Variants in HERC2 observed in about 807,000 individuals in gnomAD.
HERC2 encodes the protein HECT and RLD domain containing E3 ubiquitin protein ligase 2.
Under a neutral mutation model 537.7 loss-of-function variants are expected in HERC2, and 102 were observed. That is an observed-to-expected ratio of 0.19 (90% confidence interval 0.16 to 0.22). The LOEUF (loss-of-function observed/expected upper bound fraction) is 0.22. HERC2 is among the 10% of genes least tolerant of loss of function. HERC2 has a pLI of 1.00. For synonymous variants in HERC2, 2,224 were observed against 2,466.2 expected (o/e 0.90, Z 2.91); for missense variants, 4,236 against 6,198.2 (o/e 0.68, Z 10.63).
chr15:28,317,213 C>A (rs2077111704), intron 2 of HERC2, among the ~76,000 whole-genome samples: 1 of 152,252 alleles, frequency 6.6e-6, no homozygotes, highest in Non-Finnish European at 1.5e-5. Context: ...GCCTCAACCT[C>A]CCAAGTAGCT....
At chr15:28,241,102 G>A (rs1457250090) in intron 23 of HERC2, among the ~76,000 whole-genome samples, 1 of 152,110 alleles carries the variant, frequency 6.6e-6, no homozygotes, top group Non-Finnish European at 1.5e-5. Flanking sequence ...TATCAAGAGT[G>A]AAACAGCAAC....
At chr15:28,142,606 C>A (rs1410330348) in intron 75 of HERC2, among the ~76,000 whole-genome samples, 1 of 152,162 alleles carries the variant, frequency 6.6e-6, no homozygotes, top group Non-Finnish European at 1.5e-5. Context: ...CATCAAGTGA[C>A]AAGAACACCT....
chr15:28,201,604 C>G, intron 47 of HERC2, 50 bp from the exon 48 acceptor site: 2 of 1,137,576 alleles, frequency 1.8e-6, no homozygotes, highest in Non-Finnish European at 2.7e-6. Context: ...ACATGATAAA[C>G]CTACTCAAAA....
At chr15:28,179,942 A>G (rs911217201) in intron 57 of HERC2, among the ~76,000 whole-genome samples, 1 of 152,260 alleles carries the variant, frequency 6.6e-6, no homozygotes, top group Non-Finnish European at 1.5e-5. Context: ...AAAAGTTCAT[A>G]AAGTTACAAA....
intron 14 of HERC2, 126 bp from the exon 15 acceptor site, chr15:28,263,295 A>G: frequency 3.9e-6 from 4 of 1,024,070 alleles, no homozygotes; most frequent in Middle Eastern, 4.3e-4. Flanking sequence ...AGTTAACACT[A>G]CAAGGGTGGC....
rs1267606984 is a variant in HERC2 at position 28,218,672 on chromosome 15, C to T, written c.5846-1G>A. The stretch of plus-strand genomic sequence containing the variant: ...ATGTTCCTTTCAGTTTGTTCGGCTT[C>T]TAAAAAAAATAATCAAAATTACAAA... On this transcript the variant is annotated splice_acceptor_variant, in intron 37 of 92. Coordinates refer to ENST00000261609, the MANE Select transcript of HERC2 (RefSeq NM_004667.6). LOFTEE classifies it high-confidence loss of function. The T allele has an allele frequency of 2.5e-6, 4 of 1,578,878 alleles. No homozygotes were observed. The Admixed American group carries it at 6.7e-5, about 26-fold the overall frequency.
chr15:28,177,644 G>T lies in HERC2; in HGVS notation c.9164-135C>A. On this transcript the variant is annotated intron_variant, in intron 59 of 92. Transcript: ENST00000261609. This position sits in a 1 kb window ranked among gnomAD's most constrained non-coding sequence, Gnocchi z 5.0. ...GCTGAATAAATGAGTAACTCAACAG[G>T]ATCAACAGCGGAGTTAGCAGGAAAG... The T allele has an allele frequency of 1.4e-6, 1 of 709,942 alleles. No individual in the cohort carries two copies. Among genetic ancestry groups the T allele is most frequent in the Non-Finnish European group, 2.4e-6 (1 of 410,286 alleles). The allele number at this position is 709,942 out of a possible 1,614,324, so 44.0% of individuals were successfully genotyped here.
At chr15:28,234,922 C>T (rs1170162669) in intron 26 of HERC2, among the ~76,000 whole-genome samples, 4 of 151,404 alleles carry the variant, frequency 2.6e-5, no homozygotes, top group Non-Finnish European at 5.9e-5. Context: ...ATTTAAGAAA[C>T]ACACAATCTG....
At chr15:28,282,919 A>G (rs1200783150) in intron 4 of HERC2, among the ~76,000 whole-genome samples, 1 of 150,040 alleles carries the variant, frequency 6.7e-6, no homozygotes, top group Non-Finnish European at 1.5e-5. Context: ...AAACAGGGAG[A>G]GACTCCGAAG....
intron 2 of HERC2, among the ~76,000 whole-genome samples, chr15:28,301,731 A>ATG (rs1202140643): frequency 0.13 from 2,705 of 21,204 alleles, 560 homozygotes; most frequent in Non-Finnish European, 0.15. Context: ...AGTTGTATGT[A>ATG]TGTGTATATA....
chr15:28,154,763 A>G (rs1892809022), intron 69 of HERC2, among the ~76,000 whole-genome samples: 1 of 152,072 alleles, frequency 6.6e-6, no homozygotes, highest in Admixed American at 6.5e-5. Flanking sequence ...GCATTATTTT[A>G]TATATATATT....
chr15:28,217,921 G>A (rs1364939083), intron 38 of HERC2, among the ~76,000 whole-genome samples: 13 of 152,020 alleles, frequency 8.6e-5, no homozygotes, highest in East Asian at 5.8e-4. Flanking sequence ...GGCCCTGCCC[G>A]CACCTGGATT....
Position 28,260,774 on chromosome 15 carries a change from T to C in HERC2, c.2316+3A>G. 1 of 1,613,428 alleles carries C rather than the reference T, an allele frequency of 6.2e-7. No homozygotes were observed. Among genetic ancestry groups the C allele is most frequent in the Non-Finnish European group, 8.5e-7 (1 of 1,179,458 alleles). On this transcript the variant is annotated splice_donor_region_variant and intron_variant, in intron 16 of 92. Transcript: ENST00000261609. ...ATACCAAATCAAGCTCTATATTCAG[T>C]ACCTGGGCAGGCCCACAGGCAATTC... is the stretch of plus-strand genomic sequence containing the variant.
At position 28,146,246 on chromosome 15, in the gene HERC2, C is replaced by A. The variant is rs748768501; in HGVS notation, c.10999G>T (p.Val3667Leu). The change falls in exon 71 of 93, where the codon GTG (valine) becomes TTG (leucine). Residue 3667 changes from valine to leucine, a missense_variant. Physicochemically the swap from Val to Leu is conservative, Grantham distance 32 (BLOSUM62 1). Around this residue, in one of 27 missense-constraint regions of HERC2, gnomAD observed 356 missense variants for 450.9 expected, o/e 0.79. Coordinates refer to ENST00000261609, the MANE Select transcript of HERC2 (RefSeq NM_004667.6). ...VMDGVNRIVSVRSGREWSDWS... is the reference protein window; with the variant it reads ...VMDGVNRIVSLRSGREWSDWS... ...AACCTCCTGTCCTTACCTGACCGCACGGAGACGATCCTGTTGACGCCGTCC... is the reference window on the plus strand; with the variant it reads ...AACCTCCTGTCCTTACCTGACCGCAAGGAGACGATCCTGTTGACGCCGTCC... 1.9e-6 allele frequency: 3 copies of A among 1,613,124 alleles called. No homozygotes were observed. The highest frequency in any genetic ancestry group is 2.5e-6 in the Non-Finnish European group (3 of 1,179,294).
In HERC2 at chr15:28,143,946, A is replaced by G. The variant is rs763749877; in HGVS notation, c.11345T>C (p.Leu3782Pro). 6 of 1,614,144 alleles carry G rather than the reference A, an allele frequency of 3.7e-6. No individual in the cohort carries two copies. The highest frequency in any genetic ancestry group is 5.1e-6 in the Non-Finnish European group (6 of 1,180,018). The change falls in exon 74 of 93, where the codon CTT (leucine) becomes CCT (proline). Residue 3782 changes from leucine (L) to proline (P), a missense_variant. Coordinates refer to ENST00000261609, the MANE Select transcript of HERC2 (RefSeq NM_004667.6). The stretch of plus-strand genomic sequence containing the variant: ...AATTGACTGCCCAAATTCAGTTGTA[A>G]GCAGCTTCCTCAGTCTCTGAAGGGC... ...MWALQRLRKLLTTEFGQSINI... is the reference protein window; with the variant it reads ...MWALQRLRKLPTTEFGQSINI...
chr15:28,232,858 T>C (rs909353363), intron 30 of HERC2, among the ~76,000 whole-genome samples: 1 of 152,254 alleles, frequency 6.6e-6, no homozygotes, highest in Non-Finnish European at 1.5e-5. Context: ...AAAATAAAAA[T>C]ACTTCCTTGT....
intron 56 of HERC2, among the ~76,000 whole-genome samples, chr15:28,183,632 T>C (rs1206148273): frequency 6.6e-6 from 1 of 152,260 alleles, no homozygotes; most frequent in Non-Finnish European, 1.5e-5. Flanking sequence ...AAGGAATTGC[T>C]GCTTCTGTGT....
chr15:28,259,587 C>G (rs1422626784), intron 16 of HERC2, among the ~76,000 whole-genome samples: 1 of 152,086 alleles, frequency 6.6e-6, no homozygotes, highest in Non-Finnish European at 1.5e-5. Flanking sequence ...AAGAAAACCA[C>G]AAACCAACAT....
rs747975480 is a variant in HERC2 at position 28,229,467 on chromosome 15, C to T, written c.5113G>A (p.Asp1705Asn). 1.9e-5 allele frequency: 31 copies of T among 1,613,678 alleles called. No homozygotes were observed. The highest frequency in any genetic ancestry group is 2.5e-5 in the Non-Finnish European group (29 of 1,179,718). Reference sequence around the variant, plus strand: ...AATATGCTAACGTTTTACCCTATATCGATTCCCTCAGGAATAAGTCTTTGC... The same window carrying T: ...AATATGCTAACGTTTTACCCTATATTGATTCCCTCAGGAATAAGTCTTTGC... ...GWQRLIPEGI[D>N]IGEPLTDCLK... is the part of the protein sequence containing the mutation. Residue 1705 changes from aspartate to asparagine, a missense_variant, in exon 33 of 93, where the codon GAT becomes AAT. Asp to Asn is a conservative substitution (Grantham distance 23). Around this residue, in one of 27 missense-constraint regions of HERC2, gnomAD observed 343 missense variants for 417.2 expected, o/e 0.82. Coordinates refer to ENST00000261609, the MANE Select transcript of HERC2 (RefSeq NM_004667.6).
Sources: allele counts gnomAD v4.1 joint callset (sites outside exome capture counted in the v4.1 genomes callset), GRCh38; gene constraint gnomAD v4.1.1; regional missense constraint gnomAD v4.1.1; non-coding constraint Gnocchi (gnomAD v3.1); transcripts MANE v1.5; gene names NCBI Gene and HGNC (gene_info 2026-07-23, HGNC 2026-07-21).